HEMK2: variants seen among roughly 807,000 people sequenced by gnomAD.
HEMK2 encodes the protein methyltransferase HEMK2.
At chr21:28,786,480 G>A in the HEMK2 span, among the ~76,000 whole-genome samples, 1 of 152,096 alleles carries the variant, frequency 6.6e-6, no homozygotes, top group East Asian at 1.9e-4. Context: ...AGACCAGCCT[G>A]GCCAACATGG....
At chr21:28,831,905 CTGTTT>C in the HEMK2 span, among the ~76,000 whole-genome samples, 2 of 152,008 alleles carry the variant, frequency 1.3e-5, no homozygotes, top group Admixed American at 1.3e-4. Context: ...ACAAAAAACA[CTGTTT>C]AATTCAGATT....
At chr21:28,724,137 C>T in the HEMK2 span, among the ~76,000 whole-genome samples, 1 of 152,202 alleles carries the variant, frequency 6.6e-6, no homozygotes, top group Non-Finnish European at 1.5e-5. Flanking sequence ...ACTCTGTTTG[C>T]TAATTACTTG....
At chr21:28,808,358 G>T in the HEMK2 span, among the ~76,000 whole-genome samples, 2 of 148,742 alleles carry the variant, frequency 1.3e-5, no homozygotes, top group African/African-American at 5.0e-5. Flanking sequence ...AAATGTTCTA[G>T]ATCCCTTGCA....
At chr21:28,879,043 T>TA in the HEMK2 span, among the ~76,000 whole-genome samples, 153 of 148,604 alleles carry the variant, frequency 1.0e-3, no homozygotes, top group Middle Eastern at 7.2e-3. Flanking sequence ...TATATAATAT[T>TA]AAAAAATCTT....
the HEMK2 span, among the ~76,000 whole-genome samples, chr21:28,751,234 G>GAAAAAAAAAAA: frequency 7.8e-3 from 975 of 125,266 alleles, 15 homozygotes; most frequent in African/African-American, 0.028. Flanking sequence ...CTGTCTCAAT[G>GAAAAAAAAAAA]AAAAAAAAAA....
chr21:28,776,146 T>C, the HEMK2 span, among the ~76,000 whole-genome samples: 1 of 152,186 alleles, frequency 6.6e-6, no homozygotes, highest in African/African-American at 2.4e-5. Context: ...CAAGAAGAAT[T>C]TGTAGACTTC....
chr21:28,712,157 A>G, the HEMK2 span, among the ~76,000 whole-genome samples: 1 of 148,490 alleles, frequency 6.7e-6, no homozygotes, highest in South Asian at 2.2e-4. Context: ...CATGTTATAC[A>G]CAGCCTTTGA....
the HEMK2 span, among the ~76,000 whole-genome samples, chr21:28,849,061 C>T: frequency 2.0e-5 from 3 of 152,242 alleles, no homozygotes; most frequent in Admixed American, 1.3e-4. Flanking sequence ...CCTACAGCCA[C>T]CACCCTGACA....
the HEMK2 span, among the ~76,000 whole-genome samples, chr21:28,767,963 T>G: frequency 1.3e-5 from 2 of 151,996 alleles, no homozygotes; most frequent in African/African-American, 4.8e-5. Context: ...CCCCTTTTTT[T>G]GTTTCAGCCT....
chr21:28,863,041 T>C, the HEMK2 span, among the ~76,000 whole-genome samples: 1 of 151,980 alleles, frequency 6.6e-6, no homozygotes, highest in African/African-American at 2.4e-5. Flanking sequence ...TAATACTGAG[T>C]GTCAACTTGT....
At chr21:28,815,573 G>T in the HEMK2 span, among the ~76,000 whole-genome samples, 1 of 151,926 alleles carries the variant, frequency 6.6e-6, no homozygotes, top group African/African-American at 2.4e-5. Flanking sequence ...GAGGAACAGG[G>T]TGCCACCTTA....
the HEMK2 span, among the ~76,000 whole-genome samples, chr21:28,691,748 C>A: frequency 2.0e-5 from 3 of 152,158 alleles, no homozygotes. Flanking sequence ...ACAAAGATGT[C>A]AGAATATAAA....
At chr21:28,842,881 T>C in the HEMK2 span, among the ~76,000 whole-genome samples, 1 of 152,084 alleles carries the variant, frequency 6.6e-6, no homozygotes, top group Non-Finnish European at 1.5e-5. Flanking sequence ...ACTTTGGAGA[T>C]GGATATGTAA....
At chr21:28,654,443 A>T in the HEMK2 span, among the ~76,000 whole-genome samples, 1 of 152,102 alleles carries the variant, frequency 6.6e-6, no homozygotes, top group African/African-American at 2.4e-5. Context: ...TCTGACAAGT[A>T]GTATCTTTTT....
At chr21:28,773,206 T>C in the HEMK2 span, among the ~76,000 whole-genome samples, 8 of 152,144 alleles carry the variant, frequency 5.3e-5, no homozygotes, top group Non-Finnish European at 7.4e-5. Flanking sequence ...CCACACCAAA[T>C]ACCACAGTCC....
the HEMK2 span, among the ~76,000 whole-genome samples, chr21:28,811,975 C>T: frequency 6.6e-6 from 1 of 152,082 alleles, no homozygotes; most frequent in South Asian, 2.1e-4. Context: ...CAATGTGGTT[C>T]ATCAGAAAGG....
chr21:28,665,923 T>A, the HEMK2 span, among the ~76,000 whole-genome samples: 47 of 152,238 alleles, frequency 3.1e-4, no homozygotes, highest in Non-Finnish European at 5.3e-4. Context: ...TGTCCATTTT[T>A]TAAAAAAAAT....
the HEMK2 span, among the ~76,000 whole-genome samples, chr21:28,831,678 AGAAAGAAGGAAGGAAGGAAG>A: frequency 2.6e-4 from 8 of 30,878 alleles, no homozygotes; most frequent in Admixed American, 3.6e-4. Flanking sequence ...AAAGAAAGAA[AGAAAGAAGGAAGGAAGGAAG>A]GAAGGAAGGA....
At chr21:28,625,914 A>T in the HEMK2 span, among the ~76,000 whole-genome samples, 2 of 152,174 alleles carry the variant, frequency 1.3e-5, no homozygotes, top group African/African-American at 2.4e-5. Flanking sequence ...GAAAGGATTT[A>T]AAAAATCATT....
Sources: allele counts gnomAD v4.1 joint callset (sites outside exome capture counted in the v4.1 genomes callset), GRCh38; gene constraint gnomAD v4.1.1; transcripts MANE v1.5; gene names NCBI Gene and HGNC (gene_info 2026-07-23, HGNC 2026-07-21).